Variants in BCL2L14 observed in about 807,000 individuals in gnomAD.
The protein encoded by BCL2L14 is BCL2 like 14.
BCL2L14 carries 27 observed loss-of-function variants against 35.3 expected under a neutral mutation model. That is an observed-to-expected ratio of 0.76 (90% CI 0.56 to 1.05). BCL2L14 has a LOEUF of 1.05. BCL2L14 is among the 50% of genes least tolerant of loss of function. The probability of loss-of-function intolerance (pLI) is 0.00; values close to 1 mark genes in which losing one functional copy is unlikely to be tolerated. For synonymous variants in BCL2L14, 139 were observed against 145.9 expected, an observed-to-expected ratio of 0.95 and a Z score of 0.34; for missense variants, 377 against 382.6, an observed-to-expected ratio of 0.99 and a Z score of 0.12.
At chr12:12,056,693 C>A (rs1044969527) in intron 2 of BCL2L14, among the ~76,000 whole-genome samples, 1 of 152,120 alleles carries the variant, frequency 6.6e-6, no homozygotes, top group Admixed American at 6.5e-5. Flanking sequence ...GTTAGCTGGG[C>A]GTGGTGGTAG....
At chr12:12,064,839 C>T (rs1948574932) in intron 2 of BCL2L14, among the ~76,000 whole-genome samples, 1 of 152,202 alleles carries the variant, frequency 6.6e-6, no homozygotes, top group Non-Finnish European at 1.5e-5. Context: ...TCATGGTAGT[C>T]AGATCTCCTA....
intron 2 of BCL2L14, among the ~76,000 whole-genome samples, chr12:12,061,290 ACCTCTACTC>A (rs941840122): frequency 5.9e-5 from 9 of 151,362 alleles, no homozygotes; most frequent in Non-Finnish European, 8.8e-5. Flanking sequence ...AGTATAAGAT[ACCTCTACTC>A]CCTCCTTGGC....
At position 12,079,553 on chromosome 12, in the gene BCL2L14, C is replaced by G; in HGVS notation, c.248C>G (p.Ala83Gly). 1 of 1,614,170 alleles carries G rather than the reference C, an allele frequency of 6.2e-7. No individual in the cohort carries two copies. The highest frequency in any genetic ancestry group is 8.5e-7 in the Non-Finnish European group (1 of 1,180,034). Reference protein sequence around the residue: ...PCRNSQSSEKAINLGKKKSSW... With the variant: ...PCRNSQSSEKGINLGKKKSSW... ...AGAAATTCCCAATCCAGTGAGAAGG[C>G]CATAAACCTTGGCAAGAAAAAGTCT... is the stretch of plus-strand genomic sequence containing the variant. The change falls in exon 2 of 6, where the codon GCC (alanine) becomes GGC (glycine). Residue 83 changes from alanine (A) to glycine (G), a missense_variant. Transcript: ENST00000308721.
At position 12,059,231 on chromosome 12, in the gene BCL2L14, G is replaced by A. The variant is rs143916134; in HGVS notation, c.-272+7384G>A. Among the ~76,000 whole-genome samples, 895 of 151,856 alleles carry A rather than the reference G, an allele frequency of 5.9e-3. 9 individuals carry two copies. Among genetic ancestry groups the A allele is most frequent in the African/African-American group, 0.02 (832 of 41,498 alleles). ...CCTGCCTTGGTCCTTCACCCTTAGCGGCAAGTCCCGCTTTTCTGGGGGAGG... is the reference window on the plus strand; with the variant it reads ...CCTGCCTTGGTCCTTCACCCTTAGCAGCAAGTCCCGCTTTTCTGGGGGAGG... On this transcript the variant is annotated intron_variant, in intron 2 of 3. Transcript: ENST00000461264.
chr12:12,079,879 C>A, intron 2 of BCL2L14, 141 bp downstream of exon 2: 1 of 874,312 alleles, frequency 1.1e-6, no homozygotes, highest in Non-Finnish European at 1.7e-6. Context: ...TATTAGTGTT[C>A]AATCATAATT....
At chr12:12,070,676 C>CA (rs144776752), upstream of BCL2L14, among the ~76,000 whole-genome samples, 1,982 of 129,588 alleles carry the variant, frequency 0.015, 22 homozygotes, top group Non-Finnish European at 0.02. Flanking sequence ...AACTCTGTCT[C>CA]AAAAAAAAAA....
intron 1 of BCL2L14, among the ~76,000 whole-genome samples, chr12:12,076,480 C>T (rs1025371206): frequency 6.6e-6 from 1 of 152,162 alleles, no homozygotes; most frequent in African/African-American, 2.4e-5. Context: ...TCATGCCATA[C>T]TCCTCAAGCA....
chr12:12,088,722 G>T (rs1055998990), intron 3 of BCL2L14, among the ~76,000 whole-genome samples: 1 of 152,188 alleles, frequency 6.6e-6, no homozygotes, highest in East Asian at 1.9e-4. Context: ...TCTTGGGTTT[G>T]CACCTCCCTA....
At chr12:12,083,283 T>C (rs1948968847) in intron 2 of BCL2L14, among the ~76,000 whole-genome samples, 1 of 152,124 alleles carries the variant, frequency 6.6e-6, no homozygotes, top group Non-Finnish European at 1.5e-5. Flanking sequence ...TTATTTTAAC[T>C]GTAAGTCACT....
chr12:12,095,450 T>C, intron 5 of BCL2L14: 1 of 985,364 alleles, frequency 1.0e-6, no homozygotes, highest in Non-Finnish European at 1.2e-6. Flanking sequence ...CTTTCATCTA[T>C]TTTCAATTAC....
At chr12:12,092,906 A>G (rs150142190) in intron 4 of BCL2L14, among the ~76,000 whole-genome samples, 1 of 152,362 alleles carries the variant, frequency 6.6e-6, no homozygotes, top group East Asian at 1.9e-4. Context: ...CGCTTGGCTT[A>G]TCATTCCTCT....
rs1354022546 is a variant in BCL2L14 at position 12,093,784 on chromosome 12, C to T, written c.679-880C>T. On this transcript the variant is annotated intron_variant, in intron 4 of 5. Coordinates refer to ENST00000308721, the MANE Select transcript of BCL2L14 (RefSeq NM_138723.2). ...CTCCAGTCTGGGCAAGAGAGTGAGA[C>T]TCCATCTCAGAAAAAAAAAAAAGAA... is the stretch of plus-strand genomic sequence containing the variant. Among the ~76,000 whole-genome samples the T allele has an allele frequency of 1.6e-4, 16 of 102,952 alleles. No individual in the cohort carries two copies. The Admixed American group carries it at 1.9e-3, about 13-fold the overall frequency. The allele number at this position is 102,952 out of a possible 152,430, so 67.5% of individuals were successfully genotyped here. A position where few individuals can be genotyped will look rare whatever the true frequency, so the allele number is the denominator to read the frequency against.
At chr12:12,055,621 C>T (rs560484008) in intron 2 of BCL2L14, 1 of 152,332 alleles carries the variant, frequency 6.6e-6, no homozygotes, top group East Asian at 1.9e-4. Context: ...CACCTGTGCA[C>T]TCTCCTCATA....
intron 1 of BCL2L14, among the ~76,000 whole-genome samples, chr12:12,051,519 G>A (rs1306374668): frequency 1.3e-5 from 2 of 151,978 alleles, no homozygotes; most frequent in Admixed American, 1.3e-4. Context: ...TTGTCACTGG[G>A]AAGAATCCGC....
chr12:12,074,977 A>G (rs976033790), intron 1 of BCL2L14, among the ~76,000 whole-genome samples: 1 of 66,726 alleles, frequency 1.5e-5, no homozygotes, highest in Non-Finnish European at 3.0e-5. Flanking sequence ...CATCTAAAAC[A>G]TACACTGTAC....
chr12:12,095,956 T>G, intron 5 of BCL2L14: 1 of 985,390 alleles, frequency 1.0e-6, no homozygotes, highest in Non-Finnish European at 1.2e-6. Context: ...TATTCTAAAC[T>G]TAAGCTGCCT....
chr12:12,090,786 AG>A lies in BCL2L14; in HGVS notation c.616del (p.Glu206AsnfsTer4), dbSNP rs1192346195. The A allele has an allele frequency of 8.1e-6, 13 of 1,611,248 alleles. No homozygotes were observed. In the African/African-American group the frequency reaches 1.6e-4, roughly 20 times the overall value. ...TGGAATTTTCCCCGACAGATGAAGA[AG>A]AACAAATACTAGCCAAAATTGTTGA... ...VASSSKKDEEEQILAKIVELL... is the reference protein window; with the variant it reads ...VASSSKKDEEXQILAKIVELL... On this transcript the variant is annotated frameshift_variant, in exon 4 of 6. Coordinates refer to ENST00000308721, the MANE Select transcript of BCL2L14 (RefSeq NM_138723.2). LOFTEE classifies it high-confidence loss of function.
At chr12:12,075,377 C>T (rs1375448927) in intron 1 of BCL2L14, among the ~76,000 whole-genome samples, 6 of 151,736 alleles carry the variant, frequency 4.0e-5, no homozygotes, top group African/African-American at 1.2e-4. Context: ...GGATTACAGG[C>T]GTGAACGATT....
chr12:12,084,765 G>A (rs1949005948), intron 2 of BCL2L14, among the ~76,000 whole-genome samples: 1 of 151,896 alleles, frequency 6.6e-6, no homozygotes, highest in Admixed American at 6.6e-5. Context: ...GTTTCTCCTG[G>A]ACATGTCTCA....
Sources: gnomAD v4.1 joint callset for allele counts (sites outside exome capture counted in the v4.1 genomes callset) on GRCh38, gnomAD v4.1.1 for gene constraint, MANE v1.5 for transcripts, NCBI Gene and HGNC (gene_info 2026-07-23, HGNC 2026-07-21) for gene names.